The following UST variants were observed in gnomAD, a reference collection of about 807,000 sequenced individuals.
UST encodes chondroitin sulfate 2-O-sulfotransferase.
Under a neutral mutation model 45.6 loss-of-function variants are expected in UST, and 21 were observed. That is an observed-to-expected ratio of 0.46 (90% confidence interval 0.33 to 0.66). The LOEUF (loss-of-function observed/expected upper bound fraction) is 0.66. Ranked by LOEUF, UST falls within the 30% of genes least tolerant of loss-of-function variation. UST has a pLI of 0.02. For missense variants in UST, 463 were observed against 512.4 expected (o/e 0.90, Z 0.93); for synonymous variants, 215 against 200.6 (o/e 1.07, Z -0.61).
intron 7 of UST, among the ~76,000 whole-genome samples, chr6:149,026,290 C>T (rs1277946710): frequency 6.6e-6 from 1 of 152,108 alleles, no homozygotes; most frequent in Non-Finnish European, 1.5e-5. Context: ...GCACTCTAGC[C>T]TAGGTGACAG....
intron 5 of UST, among the ~76,000 whole-genome samples, chr6:149,018,297 C>T (rs1775935080): frequency 6.6e-6 from 1 of 151,930 alleles, no homozygotes; most frequent in Admixed American, 6.6e-5. Context: ...ATTTCATCAA[C>T]CATATTTGGG....
chr6:148,878,897 C>A (rs1403404714), intron 1 of UST, among the ~76,000 whole-genome samples: 1 of 151,822 alleles, frequency 6.6e-6, no homozygotes, highest in Non-Finnish European at 1.5e-5. Context: ...GACAGAATAT[C>A]CCCTGGTGGT....
At chr6:149,026,006 G>A (rs1043573708) in intron 7 of UST, among the ~76,000 whole-genome samples, 1 of 152,106 alleles carries the variant, frequency 6.6e-6, no homozygotes, top group African/African-American at 2.4e-5. Context: ...AAATCAACTG[G>A]GCATGGTGGC....
chr6:148,977,489 C>T (rs963887968), intron 5 of UST, among the ~76,000 whole-genome samples: 8 of 152,138 alleles, frequency 5.3e-5, no homozygotes, highest in African/African-American at 1.2e-4. Flanking sequence ...TGGTGGCTCA[C>T]GCCTGTAATC....
intron 1 of UST, among the ~76,000 whole-genome samples, chr6:148,873,570 A>T (rs113406805): frequency 2.0e-5 from 3 of 152,140 alleles, no homozygotes; most frequent in African/African-American, 7.2e-5. Flanking sequence ...AAGATCTCAC[A>T]AGCCTGCCGT....
At chr6:149,037,214 A>T (rs892668613) in intron 7 of UST, among the ~76,000 whole-genome samples, 20 of 152,192 alleles carry the variant, frequency 1.3e-4, no homozygotes, top group African/African-American at 4.8e-4. Flanking sequence ...AGCAGCTCAT[A>T]TAACAAATGT....
intron 7 of UST, among the ~76,000 whole-genome samples, chr6:149,046,974 C>G (rs977476888): frequency 2.6e-5 from 4 of 152,132 alleles, no homozygotes; most frequent in Non-Finnish European, 5.9e-5. Context: ...ACTTCTTGGC[C>G]GTGTCTCTGT....
intron 5 of UST, among the ~76,000 whole-genome samples, chr6:148,987,095 C>T (rs927860158): frequency 6.8e-5 from 9 of 131,554 alleles, no homozygotes; most frequent in African/African-American, 2.3e-4. Flanking sequence ...TCAAGATGAC[C>T]ATTTAAGAGA....
chr6:148,926,977 T>C (rs1388827446), intron 2 of UST, among the ~76,000 whole-genome samples: 1 of 152,064 alleles, frequency 6.6e-6, no homozygotes, highest in Admixed American at 6.5e-5. Flanking sequence ...AGGTGAGGAC[T>C]CTATGGGGAT....
intron 1 of UST, among the ~76,000 whole-genome samples, chr6:148,849,358 A>C (rs903091006): frequency 1.1e-4 from 16 of 152,312 alleles, no homozygotes; most frequent in Admixed American, 4.6e-4. Flanking sequence ...AATCATCCCA[A>C]TGAAGTAGAA....
At position 148,983,296 on chromosome 6, in the gene UST, G is replaced by A. The variant is rs76976204; in HGVS notation, c.681+18733G>A. Among the ~76,000 whole-genome samples the A allele has an allele frequency of 6.6e-3, 1,009 of 152,278 alleles. 5 individuals carry two copies. The highest frequency in any genetic ancestry group is 0.011 in the Admixed American group (161 of 15,302). On this transcript the variant is annotated intron_variant, in intron 5 of 7. Transcript: ENST00000367463. Reference sequence around the variant, plus strand: ...GGCTCTTGGAATGGAGTCTTACTGGGTAGGCCCTTGACCTGTGAGCCTACC... The same window carrying A: ...GGCTCTTGGAATGGAGTCTTACTGGATAGGCCCTTGACCTGTGAGCCTACC...
chr6:148,802,649 G>A (rs373471377), intron 1 of UST, among the ~76,000 whole-genome samples: 1 of 152,132 alleles, frequency 6.6e-6, no homozygotes, highest in Non-Finnish European at 1.5e-5. Context: ...AGCCAGATTT[G>A]TAAGTGACGA....
intron 1 of UST, among the ~76,000 whole-genome samples, chr6:148,827,532 C>A (rs1777595277): frequency 6.6e-6 from 1 of 151,700 alleles, no homozygotes; most frequent in South Asian, 2.1e-4. Flanking sequence ...AGGAGAATTG[C>A]TTGAATCCAG....
intron 1 of UST, among the ~76,000 whole-genome samples, chr6:148,859,023 A>T (rs1778257471): frequency 6.6e-6 from 1 of 152,196 alleles, no homozygotes; most frequent in Non-Finnish European, 1.5e-5. Flanking sequence ...CAGTAATGGG[A>T]TGGCTTGGTC....
At chr6:148,794,240 A>G (rs1308710954) in intron 1 of UST, among the ~76,000 whole-genome samples, 1 of 152,144 alleles carries the variant, frequency 6.6e-6, no homozygotes, top group East Asian at 1.9e-4. Flanking sequence ...CATTACCTAC[A>G]TTTTTTAGGT....
At chr6:148,799,347 G>A (rs1034312869) in intron 1 of UST, among the ~76,000 whole-genome samples, 11 of 152,164 alleles carry the variant, frequency 7.2e-5, no homozygotes, top group African/African-American at 1.7e-4. Flanking sequence ...ACAGATTGAC[G>A]CTCAGCTCCC....
chr6:148,924,363 A>G (rs1362718261), intron 2 of UST, among the ~76,000 whole-genome samples: 1 of 152,134 alleles, frequency 6.6e-6, no homozygotes, highest in Non-Finnish European at 1.5e-5. Context: ...CTTATCTCTG[A>G]CATAGCCCTT....
intron 1 of UST, among the ~76,000 whole-genome samples, chr6:148,868,610 A>G (rs1033938763): frequency 6.6e-6 from 1 of 152,190 alleles, no homozygotes; most frequent in Admixed American, 6.5e-5. Flanking sequence ...ACTAAGTACT[A>G]AAGAGTATTT....
At chr6:149,036,633 C>T (rs1477800479) in intron 7 of UST, among the ~76,000 whole-genome samples, 1 of 152,210 alleles carries the variant, frequency 6.6e-6, no homozygotes, top group Non-Finnish European at 1.5e-5. Context: ...CTAGATCTGT[C>T]ACACACATAT....
Sources: gnomAD v4.1 joint callset for allele counts (sites outside exome capture counted in the v4.1 genomes callset) on GRCh38, gnomAD v4.1.1 for gene constraint, MANE v1.5 for transcripts, NCBI Gene and HGNC (gene_info 2026-07-23, HGNC 2026-07-21) for gene names.